Variants in RANBP2 observed in about 807,000 individuals in gnomAD.
RANBP2 encodes E3 SUMO-protein ligase RanBP2.
In RANBP2, 57 loss-of-function variants were observed where a neutral mutation model predicts 303.6. That is an observed-to-expected ratio of 0.19 (90% confidence interval 0.15 to 0.23). The LOEUF is 0.23. Ranked by LOEUF, RANBP2 falls within the 10% of genes least tolerant of loss-of-function variation. RANBP2 has a pLI of 1.00. For synonymous variants in RANBP2, 1,167 were observed against 1,301.5 expected (o/e 0.90, Z 2.23); for missense variants, 3,138 against 3,780.8 (o/e 0.83, Z 4.46).
the RANBP2 span, among the ~76,000 whole-genome samples, chr2:109,630,227 A>T: frequency 6.6e-6 from 1 of 152,182 alleles, no homozygotes; most frequent in Non-Finnish European, 1.5e-5. Flanking sequence ...CTGACATCTT[A>T]AAAAACCCTC....
At chr2:109,264,504 C>G in the RANBP2 span, among the ~76,000 whole-genome samples, 1 of 152,224 alleles carries the variant, frequency 6.6e-6, no homozygotes, top group East Asian at 1.9e-4. Context: ...TAGAGGTGCT[C>G]GATAGATAGA....
At chr2:109,509,821 T>C in the RANBP2 span, among the ~76,000 whole-genome samples, 1 of 152,102 alleles carries the variant, frequency 6.6e-6, no homozygotes, top group Non-Finnish European at 1.5e-5. Flanking sequence ...CTTCAACATA[T>C]GAATTTTCGG....
chr2:108,762,217 C>A (rs775531921), intron 19 of RANBP2, 22 bp downstream of exon 19: 44 of 1,538,994 alleles, frequency 2.9e-5, no homozygotes, highest in Non-Finnish European at 3.6e-5. Context: ...ATAATTTATA[C>A]ATTTATAATT....
chr2:109,187,964 G>A, the RANBP2 span, among the ~76,000 whole-genome samples: 80 of 152,306 alleles, frequency 5.3e-4, 1 homozygote, highest in African/African-American at 1.7e-3. Flanking sequence ...TTTGGAGGGC[G>A]GTAGGGATTG....
chr2:109,113,324 T>C, the RANBP2 span, among the ~76,000 whole-genome samples: 380 of 152,180 alleles, frequency 2.5e-3, no homozygotes, highest in Non-Finnish European at 4.8e-3. Context: ...CAGTGGTTTG[T>C]AGTTCTCCTT....
chr2:109,227,964 T>C, the RANBP2 span, among the ~76,000 whole-genome samples: 2 of 152,192 alleles, frequency 1.3e-5, no homozygotes, highest in South Asian at 2.1e-4. Context: ...CTTTTCTGGC[T>C]CAAGGGGCAT....
At chr2:109,252,255 A>AG in the RANBP2 span, among the ~76,000 whole-genome samples, 1 of 10,544 alleles carries the variant, frequency 9.5e-5, no homozygotes, top group Non-Finnish European at 1.4e-4. Flanking sequence ...CTCAGAGGAG[A>AG]AAAAAAAAAA....
chr2:109,764,035 A>G, the RANBP2 span, among the ~76,000 whole-genome samples: 2 of 145,052 alleles, frequency 1.4e-5, no homozygotes, highest in African/African-American at 5.1e-5. Context: ...ACTCAGAAAC[A>G]TCCATACTTA....
At chr2:109,174,980 A>G in the RANBP2 span, among the ~76,000 whole-genome samples, 10 of 152,206 alleles carry the variant, frequency 6.6e-5, no homozygotes. Context: ...AGTGATTTAT[A>G]CCTTTTTCCA....
At chr2:109,248,162 G>GT in the RANBP2 span, among the ~76,000 whole-genome samples, 1 of 152,158 alleles carries the variant, frequency 6.6e-6, no homozygotes, top group African/African-American at 2.4e-5. Context: ...ATTAGGAGGA[G>GT]TTTTTAAAAT....
chr2:109,413,366 G>T, the RANBP2 span, among the ~76,000 whole-genome samples: 4 of 152,120 alleles, frequency 2.6e-5, no homozygotes, highest in Non-Finnish European at 4.4e-5. Context: ...TGCTTGCCTT[G>T]GCCTCCCAAA....
chr2:109,253,315 G>C, the RANBP2 span, among the ~76,000 whole-genome samples: 1 of 152,166 alleles, frequency 6.6e-6, no homozygotes, highest in Non-Finnish European at 1.5e-5. Flanking sequence ...CACTGCGCCC[G>C]GCCTAGCCTT....
At chr2:109,419,427 C>A in the RANBP2 span, 1 of 1,150,016 alleles carries the variant, frequency 8.7e-7, no homozygotes, top group Admixed American at 2.1e-5. Context: ...GCCAAACAGC[C>A]AGGCAGCTGG....
chr2:109,353,211 C>A, the RANBP2 span, among the ~76,000 whole-genome samples: 1 of 152,248 alleles, frequency 6.6e-6, no homozygotes, highest in African/African-American at 2.4e-5. Flanking sequence ...TGGCCCCCGG[C>A]TCATTGCCTG....
At chr2:109,732,625 T>C in the RANBP2 span, 5 of 458,384 alleles carry the variant, frequency 1.1e-5, no homozygotes, top group Admixed American at 7.0e-5. Flanking sequence ...TATAGGCACA[T>C]GCCACTGCAC....
the RANBP2 span, among the ~76,000 whole-genome samples, chr2:109,132,374 G>A: frequency 6.6e-6 from 1 of 152,128 alleles, no homozygotes; most frequent in African/African-American, 2.4e-5. Context: ...GGTTTTACTG[G>A]CAGGACACAA....
At chr2:109,063,724 A>G in the RANBP2 span, among the ~76,000 whole-genome samples, 3 of 152,252 alleles carry the variant, frequency 2.0e-5, no homozygotes, top group African/African-American at 7.2e-5. Flanking sequence ...ATGGAGATGT[A>G]ATTTCTGACA....
At chr2:108,920,050 C>T in the RANBP2 span, among the ~76,000 whole-genome samples, 1 of 152,250 alleles carries the variant, frequency 6.6e-6, no homozygotes, top group Non-Finnish European at 1.5e-5. Context: ...TCCACATGGC[C>T]AGTCACAGAG....
chr2:108,958,730 A>G, the RANBP2 span, among the ~76,000 whole-genome samples: 1 of 152,232 alleles, frequency 6.6e-6, no homozygotes. Flanking sequence ...TATCTGGCCC[A>G]GGAGACCTAA....
Sources: allele counts gnomAD v4.1 joint callset (sites outside exome capture counted in the v4.1 genomes callset), GRCh38; gene constraint gnomAD v4.1.1; transcripts MANE v1.5; gene names NCBI Gene and HGNC (gene_info 2026-07-23, HGNC 2026-07-21).